The following ADAM10 variants were observed in gnomAD, a reference collection of about 807,000 sequenced individuals.
ADAM10 encodes the protein disintegrin and metalloproteinase domain-containing protein 10.
ADAM10 carries 17 observed loss-of-function variants against 90.1 expected under a neutral mutation model. That is an observed-to-expected ratio of 0.19 (90% CI 0.13 to 0.28). ADAM10 has a LOEUF of 0.28. Among genes scored for constraint, ADAM10 ranks in the 10% least tolerant of loss-of-function variants. The pLI is 1.00. For missense variants in ADAM10, 610 were observed against 914.3 expected (o/e 0.67, Z 4.29); for synonymous variants, 310 against 298.6 (o/e 1.04, Z -0.40).
intron 1 of ADAM10, among the ~76,000 whole-genome samples, chr15:58,720,134 C>G (rs767115597): frequency 6.6e-6 from 1 of 152,140 alleles, no homozygotes; most frequent in African/African-American, 2.4e-5. Flanking sequence ...GTTTTTTAAT[C>G]TGTAAAATGG....
At chr15:58,601,980 G>A (rs1266424406) in intron 14 of ADAM10, among the ~76,000 whole-genome samples, 1 of 152,096 alleles carries the variant, frequency 6.6e-6, no homozygotes, top group East Asian at 1.9e-4. Context: ...ATGTTAACTT[G>A]ATCACTGGAT....
At chr15:58,705,520 G>A (rs756229152) in intron 2 of ADAM10, among the ~76,000 whole-genome samples, 15 of 152,168 alleles carry the variant, frequency 9.9e-5, no homozygotes, top group Non-Finnish European at 1.9e-4. Context: ...CTCTGAATAT[G>A]CAGTTTTACC....
Position 58,678,042 on chromosome 15 carries a change from T to C in ADAM10, c.484+1082A>G, listed in dbSNP as rs80308683. On this transcript the variant is annotated intron_variant, in intron 4 of 15. Coordinates refer to ENST00000260408, the MANE Select transcript of ADAM10 (RefSeq NM_001110.4). ...CTACTTATGAAGGAGGATGATAGCT[T>C]AGAGCTTGAAAAGAAAGGTAGAGTT... 9.2e-3 allele frequency among the ~76,000 whole-genome samples: 1,406 copies of C among 152,240 alleles called. 15 individuals carry two copies. The highest frequency in any genetic ancestry group is 0.032 in the African/African-American group (1,314 of 41,548).
intron 2 of ADAM10, among the ~76,000 whole-genome samples, chr15:58,696,657 G>C (rs542787342): frequency 1.7e-3 from 256 of 152,070 alleles, no homozygotes; most frequent in African/African-American, 5.8e-3. Flanking sequence ...TACAGATGCG[G>C]TTTCACCATG....
At chr15:58,714,911 T>C (rs1427392803) in intron 2 of ADAM10, among the ~76,000 whole-genome samples, 1 of 152,116 alleles carries the variant, frequency 6.6e-6, no homozygotes, top group Non-Finnish European at 1.5e-5. Flanking sequence ...TTTGTAGGCC[T>C]ATTTTCAAGG....
intron 8 of ADAM10, among the ~76,000 whole-genome samples, chr15:58,637,264 T>G (rs1185286361): frequency 2.6e-5 from 4 of 151,988 alleles, no homozygotes; most frequent in Non-Finnish European, 5.9e-5. Flanking sequence ...AATAGAGGAG[T>G]ACTGAAGGTT....
intron 1 of ADAM10, among the ~76,000 whole-genome samples, chr15:58,720,185 G>C (rs923822032): frequency 2.6e-5 from 4 of 152,054 alleles, no homozygotes; most frequent in Non-Finnish European, 5.9e-5. Context: ...AAATGCTTAC[G>C]AGCACAAAGA....
intron 13 of ADAM10, 24 bp downstream of exon 13, chr15:58,610,975 C>T (rs200397218): frequency 2.6e-6 from 4 of 1,559,688 alleles, no homozygotes; most frequent in Admixed American, 1.7e-5. Flanking sequence ...AAATTTTATA[C>T]TCTTGTGTTT....
intron 1 of ADAM10, among the ~76,000 whole-genome samples, chr15:58,722,183 A>G (rs1197931444): frequency 6.6e-6 from 1 of 152,022 alleles, no homozygotes; most frequent in African/African-American, 2.4e-5. Context: ...TCCACTAAAA[A>G]TAACAAAACT....
chr15:58,732,072 T>G (rs1469500605), intron 1 of ADAM10: 1 of 152,204 alleles, frequency 6.6e-6, no homozygotes, highest in Non-Finnish European at 1.5e-5. Flanking sequence ...AAATACTTCT[T>G]GAATAGCTTT....
intron 11 of ADAM10, among the ~76,000 whole-genome samples, chr15:58,620,157 G>A (rs1178368902): frequency 6.6e-6 from 1 of 151,742 alleles, no homozygotes; most frequent in Non-Finnish European, 1.5e-5. Flanking sequence ...AGGATATACA[G>A]ACCAGCCGTT....
In ADAM10 at chr15:58,612,007, A is replaced by C; in HGVS notation, c.1512-16T>G. 1 of 1,612,138 alleles carries C rather than the reference A, an allele frequency of 6.2e-7. No individual in the cohort carries two copies. The highest frequency in any genetic ancestry group is 8.5e-7 in the Non-Finnish European group (1 of 1,178,240). ...TTGACTTGGACTAGAGGAAACATTA[A>C]GTGATTAAACAAAGTAAATCACTAG... is the stretch of plus-strand genomic sequence containing the variant. On this transcript the variant is annotated splice_polypyrimidine_tract_variant and intron_variant, in intron 11 of 15. Transcript: ENST00000260408.
chr15:58,669,054 T>C (rs1257089986), intron 4 of ADAM10, among the ~76,000 whole-genome samples: 1 of 152,184 alleles, frequency 6.6e-6, no homozygotes. Context: ...CTCCTAATCA[T>C]ATGTCAATGT....
intron 8 of ADAM10, 81 bp from the exon 9 acceptor site, chr15:58,633,440 A>G: frequency 8.4e-6 from 10 of 1,185,638 alleles, no homozygotes; most frequent in Admixed American, 1.9e-5. Flanking sequence ...ATATTAAATG[A>G]AAACATTTTA....
chr15:58,730,645 T>A (rs1025031254), intron 1 of ADAM10, among the ~76,000 whole-genome samples: 1 of 152,170 alleles, frequency 6.6e-6, no homozygotes, highest in Admixed American at 6.5e-5. Flanking sequence ...TAATTTTAGG[T>A]GTCAACTTGA....
At chr15:58,610,075 T>A in intron 14 of ADAM10, 1 of 571,000 alleles carries the variant, frequency 1.8e-6, no homozygotes, top group East Asian at 3.0e-5. Context: ...TAAAACAGAA[T>A]GACTCCCATC....
chr15:58,714,735 T>A (rs1452274237), intron 2 of ADAM10, among the ~76,000 whole-genome samples: 1 of 151,836 alleles, frequency 6.6e-6, no homozygotes, highest in Non-Finnish European at 1.5e-5. Context: ...AAAATAAAAA[T>A]TTATAAAAAT....
intron 2 of ADAM10, among the ~76,000 whole-genome samples, chr15:58,712,548 G>T (rs1240136075): frequency 6.6e-6 from 1 of 151,232 alleles, no homozygotes; most frequent in Non-Finnish European, 1.5e-5. Flanking sequence ...GGCCAGACGT[G>T]GTGGCTCACA....
chr15:58,671,215 T>TA (rs1439432547), intron 4 of ADAM10, among the ~76,000 whole-genome samples: 1 of 152,192 alleles, frequency 6.6e-6, no homozygotes, highest in Non-Finnish European at 1.5e-5. Context: ...CTCTAGAAGC[T>TA]AAAACCAGTA....
Sources: allele counts gnomAD v4.1 joint callset (sites outside exome capture counted in the v4.1 genomes callset), GRCh38; gene constraint gnomAD v4.1.1; transcripts MANE v1.5; gene names NCBI Gene and HGNC (gene_info 2026-07-23, HGNC 2026-07-21).